The following PHF14 variants were observed in gnomAD, a reference collection of about 807,000 sequenced individuals.
The protein encoded by PHF14 is PHD finger protein 14.
In PHF14, 55 loss-of-function variants were observed where a neutral mutation model predicts 117.9. That is an observed-to-expected ratio of 0.47 (90% CI 0.38 to 0.58). The LOEUF is 0.58. PHF14 is among the 20% of genes least tolerant of loss of function. The probability of loss-of-function intolerance (pLI) is 0.00; values close to 1 mark genes in which losing one functional copy is unlikely to be tolerated. For missense variants in PHF14, 978 were observed against 1,122.2 expected, an observed-to-expected ratio of 0.87 and a Z score of 1.84; for synonymous variants, 409 against 368.6, an observed-to-expected ratio of 1.11 and a Z score of -1.26.
chr7:11,103,258 T>A (rs1012041949), intron 16 of PHF14: 60 of 885,178 alleles, frequency 6.8e-5, no homozygotes, highest in Non-Finnish European at 7.7e-5. Flanking sequence ...TCTGTGTTGA[T>A]CTCTAGATAT....
chr7:11,144,978 C>A (rs555463008), intron 17 of PHF14, among the ~76,000 whole-genome samples: 2 of 151,706 alleles, frequency 1.3e-5, no homozygotes, highest in Admixed American at 6.6e-5. Context: ...GTGGTATAAA[C>A]GGGAACAGAG....
intron 17 of PHF14, among the ~76,000 whole-genome samples, chr7:11,144,354 A>G (rs1222767499): frequency 1.3e-5 from 2 of 151,842 alleles, no homozygotes; most frequent in Admixed American, 6.6e-5. Context: ...CCCAGCAATC[A>G]CACTACTGGG....
chr7:11,088,314 T>G (rs1786498549), intron 16 of PHF14, among the ~76,000 whole-genome samples: 1 of 152,158 alleles, frequency 6.6e-6, no homozygotes, highest in Non-Finnish European at 1.5e-5. Flanking sequence ...CATCCATGGT[T>G]GGTTGAATCC....
Position 10,982,621 on chromosome 7 carries a change from A to G in PHF14, c.362A>G (p.Lys121Arg). Residue 121 changes from lysine (K) to arginine (R), a missense_variant, in exon 3 of 18, where the codon AAA becomes AGA. Lys to Arg is a conservative substitution (Grantham distance 26). Transcript: ENST00000634607. ...PRKKKEKEKE[K>R]EKEKEKEKER... ...AAGAAAAAGGAGAAAGAGAAGGAAA[A>G]AGAAAAGGAAAAGGAGAAAGAGAAG... The G allele has an allele frequency of 6.5e-7, 1 of 1,534,748 alleles. No individual in the cohort carries two copies. Among genetic ancestry groups the G allele is most frequent in the Non-Finnish European group, 8.8e-7 (1 of 1,133,642 alleles).
chr7:11,155,063 G>A (rs1788803459), intron 17 of PHF14, among the ~76,000 whole-genome samples: 4 of 152,130 alleles, frequency 2.6e-5, no homozygotes, highest in Admixed American at 2.6e-4. Context: ...ATTAAAAACT[G>A]TCGTAAAGTT....
chr7:11,047,594 A>G (rs1027321711), intron 13 of PHF14, among the ~76,000 whole-genome samples: 2 of 150,108 alleles, frequency 1.3e-5, no homozygotes, highest in Non-Finnish European at 3.0e-5. Context: ...TCAGGAGTTC[A>G]AGACCAACAT....
rs979745403 is a variant in PHF14 at position 11,096,090 on chromosome 7, AG to A, written c.2655-15258del. ...GGTTTATTTTAAATAAGGAATAAAG[AG>A]GTCTTCCTTAATCACATGGTTTTCC... On this transcript the variant is annotated intron_variant, in intron 16 of 17. Transcript: ENST00000634607. Among the ~76,000 whole-genome samples, 27 of 152,174 alleles carry A rather than the reference AG, an allele frequency of 1.8e-4. 2 individuals are homozygous for A. The highest frequency in any genetic ancestry group is 6.0e-4 in the African/African-American group (25 of 41,544).
Position 11,042,704 on chromosome 7 carries a change from C to T in PHF14, c.2202C>T (p.Asn734=). ...AAAGTTGTGGGATTTGTAAGAAGAA[C>T]CATGATCAGCATCTTCTTTTATTGT... ...VLYSCGICKK[N]HDQHLLLLCD... is the part of the protein sequence containing the mutation. The change falls in exon 13 of 18, where the codon AAC becomes AAT. Residue 734 remains asparagine (N), a synonymous_variant. Transcript: ENST00000634607. The T allele has an allele frequency of 6.3e-7, 1 of 1,586,652 alleles. No homozygotes were observed. The highest frequency in any genetic ancestry group is 1.8e-5 in the Admixed American group (1 of 56,514).
At chr7:11,150,968 TAAAAG>T (rs1046417915) in intron 17 of PHF14, among the ~76,000 whole-genome samples, 3 of 152,130 alleles carry the variant, frequency 2.0e-5, no homozygotes, top group Non-Finnish European at 2.9e-5. Context: ...TTTTCTACTT[TAAAAG>T]AAAAGTAAAA....
chr7:11,075,040 C>T (rs1344599679), intron 16 of PHF14, among the ~76,000 whole-genome samples: 3 of 151,222 alleles, frequency 2.0e-5, no homozygotes, highest in African/African-American at 7.3e-5. Context: ...CAGGTTCAAG[C>T]AATTTTCCTG....
chr7:11,055,275 C>T (rs1413325980), intron 14 of PHF14, among the ~76,000 whole-genome samples: 1 of 152,138 alleles, frequency 6.6e-6, no homozygotes, highest in East Asian at 1.9e-4. Flanking sequence ...TACTTGTGGA[C>T]ATATTTTCTA....
At chr7:10,978,616 C>T (rs537549460) in intron 2 of PHF14, among the ~76,000 whole-genome samples, 1 of 152,286 alleles carries the variant, frequency 6.6e-6, no homozygotes, top group East Asian at 1.9e-4. Flanking sequence ...AACCTTGGCG[C>T]TATTGGCATT....
intron 16 of PHF14, chr7:11,104,285 CAT>C: frequency 4.1e-6 from 4 of 983,878 alleles, no homozygotes; most frequent in Non-Finnish European, 3.6e-6. Context: ...ATCTTTGTCA[CAT>C]GTTATACATA....
intron 17 of PHF14, among the ~76,000 whole-genome samples, chr7:11,163,579 A>T (rs1383606014): frequency 6.6e-6 from 1 of 152,214 alleles, no homozygotes; most frequent in Non-Finnish European, 1.5e-5. Context: ...TAATGATCCA[A>T]GTGTTTATTA....
At chr7:11,151,924 A>T (rs1788712603) in intron 17 of PHF14, among the ~76,000 whole-genome samples, 1 of 152,208 alleles carries the variant, frequency 6.6e-6, no homozygotes, top group Admixed American at 6.5e-5. Flanking sequence ...TTTTTCCAAT[A>T]TACATTTTTC....
chr7:11,085,271 T>A (rs1486834107), intron 16 of PHF14, among the ~76,000 whole-genome samples: 2 of 152,214 alleles, frequency 1.3e-5, no homozygotes, highest in African/African-American at 4.8e-5. Context: ...GACATTAGCT[T>A]AATATAAAAA....
At chr7:11,104,505 C>T in intron 16 of PHF14, 2 of 981,478 alleles carry the variant, frequency 2.0e-6, no homozygotes, top group Non-Finnish European at 2.4e-6. Flanking sequence ...CTAAATGATT[C>T]ATATTTCACA....
intron 16 of PHF14, among the ~76,000 whole-genome samples, chr7:11,091,864 C>T (rs1203321526): frequency 2.6e-5 from 4 of 152,182 alleles, no homozygotes; most frequent in South Asian, 2.1e-4. Flanking sequence ...TCTAATTTTC[C>T]GACCTTTGCT....
chr7:11,064,447 G>A (rs537891311), intron 16 of PHF14, among the ~76,000 whole-genome samples: 3 of 151,642 alleles, frequency 2.0e-5, no homozygotes, highest in South Asian at 4.2e-4. Context: ...TCAGACATAC[G>A]TGTATGTCTG....
Sources: gnomAD v4.1 joint callset for allele counts (sites outside exome capture counted in the v4.1 genomes callset) on GRCh38, gnomAD v4.1.1 for gene constraint, MANE v1.5 for transcripts, NCBI Gene and HGNC (gene_info 2026-07-23, HGNC 2026-07-21) for gene names.